The following CDON variants were observed in gnomAD, a reference collection of about 807,000 sequenced individuals.
The protein encoded by CDON is cell adhesion molecule-related/down-regulated by oncogenes.
Under a neutral mutation model 120.9 loss-of-function variants are expected in CDON, and 73 were observed. The observed-to-expected ratio is 0.60, with a 90% CI of 0.50 to 0.73. CDON has a LOEUF of 0.73. Ranked by LOEUF, CDON falls within the 30% of genes least tolerant of loss-of-function variation. The pLI is 0.00. For missense variants in CDON, 1,470 were observed against 1,587.3 expected, an observed-to-expected ratio of 0.93 and a Z score of 1.26; for synonymous variants, 566 against 573.5, an observed-to-expected ratio of 0.99 and a Z score of 0.19.
At chr11:126,020,251 C>T (rs1018120714) in intron 3 of CDON, among the ~76,000 whole-genome samples, 7 of 151,932 alleles carry the variant, frequency 4.6e-5, no homozygotes, top group Non-Finnish European at 1.0e-4. Context: ...ATCCAGTGCC[C>T]CATCAAAACT....
At chr11:126,025,993 C>T (rs1339617090) in intron 1 of CDON, among the ~76,000 whole-genome samples, 1 of 152,170 alleles carries the variant, frequency 6.6e-6, no homozygotes, top group African/African-American at 2.4e-5. Flanking sequence ...TCTTATGTAA[C>T]TTATCTGGTG....
rs751414543 is a variant in CDON at position 125,981,192 on chromosome 11, C to T, written c.3133G>A (p.Gly1045Ser). ...GFLTNGGLSS[G>S]YSHLHHKVPN... Reference sequence around the variant, plus strand: ...ACCTTATGGTGAAGGTGGGAATAGCCACTGCTGAGACCGCCATTGGTTAGG... The same window carrying T: ...ACCTTATGGTGAAGGTGGGAATAGCTACTGCTGAGACCGCCATTGGTTAGG... Residue 1045 changes from glycine to serine, a missense_variant, in exon 17 of 20, where the codon GGC (glycine) becomes AGC (serine). Physicochemically the swap from Gly to Ser is moderately conservative, Grantham distance 56. Coordinates refer to ENST00000531738, the MANE Select transcript of CDON (RefSeq NM_001378964.1). 8.1e-6 allele frequency: 13 copies of T among 1,614,082 alleles called. No homozygotes were observed. In the African/African-American group the frequency reaches 1.5e-4, roughly 18 times the overall value.
intron 1 of CDON, among the ~76,000 whole-genome samples, chr11:126,037,079 A>T (rs1028653806): frequency 1.3e-5 from 2 of 150,416 alleles, no homozygotes; most frequent in Non-Finnish European, 3.0e-5. Context: ...ATTTTCTAAA[A>T]TCTCTTCATT....
chr11:125,970,747 A>G (rs1318660820), intron 18 of CDON, among the ~76,000 whole-genome samples: 1 of 152,154 alleles, frequency 6.6e-6, no homozygotes, highest in East Asian at 1.9e-4. Context: ...ACAACAAATG[A>G]CTGAGTGTAT....
intron 1 of CDON, among the ~76,000 whole-genome samples, chr11:126,042,877 C>G (rs894970320): frequency 2.6e-5 from 4 of 152,184 alleles, no homozygotes; most frequent in Non-Finnish European, 5.9e-5. Context: ...CCTGCCTCGG[C>G]CTCCCAAAGT....
intron 1 of CDON, among the ~76,000 whole-genome samples, chr11:126,026,322 G>A (rs776957913): frequency 1.3e-5 from 2 of 152,304 alleles, no homozygotes; most frequent in African/African-American, 4.8e-5. Context: ...CTATGTCTGC[G>A]AATCCTGCCC....
chr11:125,970,088 G>A (rs1417490802), intron 18 of CDON, among the ~76,000 whole-genome samples: 4 of 151,104 alleles, frequency 2.6e-5, no homozygotes, highest in African/African-American at 7.3e-5. Flanking sequence ...AGAACTATCC[G>A]TGAATTTCTT....
chr11:126,061,607 G>A (rs1439573755), intron 1 of CDON, among the ~76,000 whole-genome samples: 1 of 152,316 alleles, frequency 6.6e-6, no homozygotes, highest in Non-Finnish European at 1.5e-5. Flanking sequence ...TGTTATCAGC[G>A]CCGAAAGGAA....
chr11:126,019,814 C>A lies in CDON; in HGVS notation c.350-49G>T, dbSNP rs755725196. On this transcript the variant is annotated intron_variant, in intron 3 of 19. Transcript: ENST00000531738. ...AAATAAATACATGCAAATTTGAATTCTTTTTCCCAAAGGAAATTTACAAAT... is the reference window on the plus strand; with the variant it reads ...AAATAAATACATGCAAATTTGAATTATTTTTCCCAAAGGAAATTTACAAAT... The A allele has an allele frequency of 4.5e-6, 7 of 1,540,128 alleles. No individual in the cohort carries two copies. The African/African-American group carries it at 6.8e-5, about 15-fold the overall frequency.
intron 12 of CDON, 97 bp from the exon 13 acceptor site, chr11:125,995,149 G>T: frequency 1.9e-6 from 2 of 1,028,016 alleles, no homozygotes; most frequent in East Asian, 2.4e-5. Flanking sequence ...TCAAAATATG[G>T]CAATTGTGCT....
chr11:126,020,234 CT>C (rs1432530234), intron 3 of CDON, among the ~76,000 whole-genome samples: 1 of 152,036 alleles, frequency 6.6e-6, no homozygotes, highest in Admixed American at 6.6e-5. Context: ...AAGATAAATC[CT>C]TTTCAATCCA....
intron 1 of CDON, among the ~76,000 whole-genome samples, chr11:126,054,631 C>T (rs904144583): frequency 2.0e-5 from 3 of 152,142 alleles, no homozygotes; most frequent in Non-Finnish European, 4.4e-5. Context: ...CCCAGCTCAT[C>T]AGTATTATCT....
intron 3 of CDON, among the ~76,000 whole-genome samples, chr11:126,020,129 G>A (rs1391822612): frequency 1.3e-5 from 2 of 152,096 alleles, no homozygotes; most frequent in East Asian, 3.8e-4. Flanking sequence ...CCGAAGTCAC[G>A]GCACCCTTTT....
At chr11:125,996,159 AAAACACACACAC>A (rs1343262451) in intron 12 of CDON, among the ~76,000 whole-genome samples, 1 of 93,712 alleles carries the variant, frequency 1.1e-5, no homozygotes, top group Non-Finnish European at 2.1e-5. Flanking sequence ...CAGTCACAGC[AAAACACACACAC>A]ACACACACAC....
In CDON at chr11:126,021,328, G is replaced by A. The variant is rs778909843; in HGVS notation, c.269C>T (p.Ser90Phe). 2 of 1,614,104 alleles carry A rather than the reference G, an allele frequency of 1.2e-6. No individual in the cohort carries two copies. Among genetic ancestry groups the A allele is most frequent in the South Asian group, 1.1e-5 (1 of 91,070 alleles). The stretch of plus-strand genomic sequence containing the variant: ...AAGGCACTGGTAGTAACCCAAAAGA[G>A]AGGAGTTGAGAGAAAGAATTGTCAG... ...GTLTILSLNS[S>F]LLGYYQCLAN... Residue 90 changes from serine to phenylalanine, a missense_variant, in exon 3 of 20, where the codon TCT (serine) becomes TTT (phenylalanine). Ser to Phe is a radical substitution (Grantham distance 155). Transcript: ENST00000531738.
At chr11:126,057,765 A>T (rs1435002123) in intron 1 of CDON, among the ~76,000 whole-genome samples, 1 of 152,234 alleles carries the variant, frequency 6.6e-6, no homozygotes, top group Non-Finnish European at 1.5e-5. Flanking sequence ...TCAGCTGCAA[A>T]TTTAAGAAAG....
intron 12 of CDON, among the ~76,000 whole-genome samples, chr11:125,996,056 C>T (rs1157338116): frequency 6.6e-6 from 1 of 151,962 alleles, no homozygotes; most frequent in Non-Finnish European, 1.5e-5. Flanking sequence ...TGACTCATGT[C>T]CACAACACTA....
intron 1 of CDON, among the ~76,000 whole-genome samples, chr11:126,045,688 C>T (rs909281181): frequency 3.9e-5 from 6 of 151,962 alleles, no homozygotes; most frequent in Non-Finnish European, 8.8e-5. Context: ...GTCACACATT[C>T]GGCTGGGCAC....
At position 125,994,920 on chromosome 11, in the gene CDON, A is replaced by G. The variant is rs2134524258; in HGVS notation, c.2495T>C (p.Ile832Thr). The change falls in exon 13 of 20, where the codon ATT becomes ACT. Residue 832 changes from isoleucine (I) to threonine (T), a missense_variant. Physicochemically the swap from Ile to Thr is moderately conservative, Grantham distance 89. Coordinates refer to ENST00000531738, the MANE Select transcript of CDON (RefSeq NM_001378964.1). ...FSSRPITGPH[I>T]AYTEAVSDTQ... ...ATCGCTGACAGCCTCTGTGTATGCA[A>G]TGTGAGGTCCAGTTATTGGACGGCT... The G allele has an allele frequency of 1.2e-6, 2 of 1,614,158 alleles. No homozygotes were observed. Among genetic ancestry groups the G allele is most frequent in the Non-Finnish European group, 1.7e-6 (2 of 1,179,990 alleles).
Sources: allele counts gnomAD v4.1 joint callset (sites outside exome capture counted in the v4.1 genomes callset), GRCh38; gene constraint gnomAD v4.1.1; transcripts MANE v1.5; gene names NCBI Gene and HGNC (gene_info 2026-07-23, HGNC 2026-07-21).